The following BIVM variants were observed in gnomAD, a reference collection of about 807,000 sequenced individuals.
BIVM encodes the protein basic, immunoglobulin-like variable motif containing.
In BIVM, 31 loss-of-function variants were observed where a neutral mutation model predicts 61.4. That is an observed-to-expected ratio of 0.51 (90% confidence interval 0.38 to 0.68). BIVM has a LOEUF of 0.68. Ranked by LOEUF, BIVM falls within the 30% of genes least tolerant of loss-of-function variation. The pLI is 0.00. For synonymous variants in BIVM, 189 were observed against 210.7 expected (o/e 0.90, Z 0.89); for missense variants, 526 against 596.0 (o/e 0.88, Z 1.22).
Position 102,807,799 on chromosome 13 carries a change from A to C in BIVM, c.478+54A>C. On this transcript the variant is annotated intron_variant, in intron 3 of 10. Transcript: ENST00000257336. The surrounding 1 kb of genome is among the most constrained non-coding windows in gnomAD (Gnocchi z 4.0). ...TGAAAATAATGAGAAAACAAACACT[A>C]TGTCTTGTTTAATCTTGCCATTACA... The C allele has an allele frequency of 1.3e-6, 2 of 1,510,882 alleles. No homozygotes were observed. The highest frequency in any genetic ancestry group is 8.9e-7 in the Non-Finnish European group (1 of 1,122,360). 93.6% of individuals were successfully genotyped at this position (1,510,882 alleles called of 1,614,324 possible). A position where few individuals can be genotyped will look rare whatever the true frequency, so the allele number is the denominator to read the frequency against.
At chr13:102,832,028 A>G (rs1236468755) in intron 8 of BIVM, among the ~76,000 whole-genome samples, 1 of 152,098 alleles carries the variant, frequency 6.6e-6, no homozygotes, top group African/African-American at 2.4e-5. Context: ...AAAGTCTGTG[A>G]TATTGGGAGG....
Position 102,807,413 on chromosome 13 carries a change from G to C in BIVM, c.146G>C (p.Gly49Ala), listed in dbSNP as rs1374303460. ...TCAGGAGCACCCTTGGGTCCCAAAG[G>C]AGATGGTCATTATCCATGGAGTTGT... ...SASGAPLGPK[G>A]DGHYPWSCPV... Residue 49 changes from glycine to alanine, a missense_variant, in exon 3 of 11, where the codon GGA (glycine) becomes GCA (alanine). This residue lies in a region of BIVM where 312 missense variants were observed against 343.8 expected (regional missense o/e 0.91). Coordinates refer to ENST00000257336, the MANE Select transcript of BIVM (RefSeq NM_017693.4). This position sits in a 1 kb window ranked among gnomAD's most constrained non-coding sequence, Gnocchi z 4.0. 3 of 1,614,176 alleles carry C rather than the reference G, an allele frequency of 1.9e-6. No individual in the cohort carries two copies. The highest frequency in any genetic ancestry group is 3.3e-5 in the Admixed American group (2 of 60,018).
At chr13:102,825,341 T>A (rs1285711899) in intron 7 of BIVM, among the ~76,000 whole-genome samples, 1 of 151,800 alleles carries the variant, frequency 6.6e-6, no homozygotes, top group Non-Finnish European at 1.5e-5. Flanking sequence ...TAAGTGATCC[T>A]CCTACCTCGG....
At chr13:102,804,159 C>T (rs964888940) in intron 1 of BIVM, among the ~76,000 whole-genome samples, 3 of 152,092 alleles carry the variant, frequency 2.0e-5, no homozygotes, top group African/African-American at 4.8e-5. Context: ...TTTGTTTGTT[C>T]GTTTCGAGAC....
intron 1 of BIVM, among the ~76,000 whole-genome samples, chr13:102,799,806 A>T (rs1247009549): frequency 6.6e-6 from 1 of 152,230 alleles, no homozygotes; most frequent in Non-Finnish European, 1.5e-5. Flanking sequence ...GAGAAGCGCC[A>T]GGGAAAGAAG....
chr13:102,836,914 T>G (rs1319656325), intron 9 of BIVM, among the ~76,000 whole-genome samples: 1 of 152,236 alleles, frequency 6.6e-6, no homozygotes, highest in Non-Finnish European at 1.5e-5. Flanking sequence ...TTCTAGGACC[T>G]TGGCTTTTCC....
chr13:102,838,749 A>C lies in BIVM; in HGVS notation c.1218+10A>C. 2.5e-6 allele frequency: 4 copies of C among 1,608,496 alleles called. No homozygotes were observed. The highest frequency in any genetic ancestry group is 1.7e-4 in the Middle Eastern group (1 of 6,014). Reference sequence around the variant, plus strand: ...TAGAAAAACAAAGAAGGTAAGAAGAACACCATTGTGTTTGAAGGCATTTCC... The same window carrying C: ...TAGAAAAACAAAGAAGGTAAGAAGACCACCATTGTGTTTGAAGGCATTTCC... On this transcript the variant is annotated intron_variant, in intron 10 of 10. Transcript: ENST00000257336.
chr13:102,821,661 C>A, intron 5 of BIVM, 82 bp from the exon 6 acceptor site: 1 of 1,166,720 alleles, frequency 8.6e-7, no homozygotes, highest in Non-Finnish European at 1.2e-6. Flanking sequence ...GCAAATCAGA[C>A]AAGCATATTA....
At position 102,839,932 on chromosome 13, in the gene BIVM, G is replaced by A. The variant is rs1881722808; in HGVS notation, c.*67G>A. On this transcript the variant is annotated 3_prime_UTR_variant, in exon 11 of 11. Coordinates refer to ENST00000257336, the MANE Select transcript of BIVM (RefSeq NM_017693.4). ...CTATATACAGGACTGTATAAAGACAGTAGAAGATTTTAGTAAGCCTACATT... is the reference window on the plus strand; with the variant it reads ...CTATATACAGGACTGTATAAAGACAATAGAAGATTTTAGTAAGCCTACATT... The A allele has an allele frequency of 1.2e-5, 18 of 1,469,268 alleles. No homozygotes were observed. In the East Asian group the frequency reaches 4.1e-4, roughly 34 times the overall value. 91.0% of individuals were successfully genotyped at this position (1,469,268 alleles called of 1,614,324 possible).
chr13:102,809,827 C>T (rs1272747465), intron 3 of BIVM, among the ~76,000 whole-genome samples: 1 of 150,732 alleles, frequency 6.6e-6, no homozygotes, highest in Non-Finnish European at 1.5e-5. Flanking sequence ...GCTCTGTCGC[C>T]CAGGCTGGAG....
chr13:102,817,749 C>A (rs1223911791), intron 4 of BIVM, among the ~76,000 whole-genome samples: 2 of 151,426 alleles, frequency 1.3e-5, no homozygotes, highest in Non-Finnish European at 1.5e-5. Context: ...TCAACTGGGG[C>A]TATTTGGTTA....
At chr13:102,819,722 A>T (rs1570544) in intron 4 of BIVM, among the ~76,000 whole-genome samples, 40,115 of 152,028 alleles carry the variant, frequency 0.26, 5,689 homozygotes, top group East Asian at 0.43. Context: ...TTATCTATGT[A>T]ATAAAGCTGC....
Position 102,807,776 on chromosome 13 carries a change from A to C in BIVM, c.478+31A>C, listed in dbSNP as rs565602572. ...GAGGGAGCCATGAAGTTCATATGTG[A>C]AAATAATGAGAAAACAAACACTATG... On this transcript the variant is annotated intron_variant, in intron 3 of 10. Coordinates refer to ENST00000257336, the MANE Select transcript of BIVM (RefSeq NM_017693.4). The surrounding 1 kb of genome is among the most constrained non-coding windows in gnomAD (Gnocchi z 4.0). The C allele has an allele frequency of 3.8e-6, 6 of 1,560,116 alleles. No homozygotes were observed. The South Asian group carries it at 6.0e-5, about 16-fold the overall frequency.
At chr13:102,802,435 G>A (rs954858624) in intron 1 of BIVM, among the ~76,000 whole-genome samples, 7 of 152,294 alleles carry the variant, frequency 4.6e-5, no homozygotes, top group East Asian at 1.9e-4. Flanking sequence ...TGTTTGGGTC[G>A]TGGGATTTGG....
At chr13:102,808,831 G>T (rs1879284681) in intron 3 of BIVM, among the ~76,000 whole-genome samples, 1 of 151,964 alleles carries the variant, frequency 6.6e-6, no homozygotes, top group African/African-American at 2.4e-5. Flanking sequence ...TCAAATTTGG[G>T]GGCTTAAAGT....
At chr13:102,806,713 C>T (rs1456944905) in intron 2 of BIVM, among the ~76,000 whole-genome samples, 1 of 151,892 alleles carries the variant, frequency 6.6e-6, no homozygotes, top group Non-Finnish European at 1.5e-5. Flanking sequence ...GATTTTGAGA[C>T]CAGCCTGACC....
chr13:102,821,740 T>C lies in BIVM; in HGVS notation c.702-3T>C, dbSNP rs1226643243. The C allele has an allele frequency of 6.2e-7, 1 of 1,611,230 alleles. No homozygotes were observed. Among genetic ancestry groups the C allele is most frequent in the Non-Finnish European group, 8.5e-7 (1 of 1,179,322 alleles). ...TGAAAGGCAATGAATGTTTCTTTTG[T>C]AGCCTTCCACCTATTACCCAAGAAG... is the stretch of plus-strand genomic sequence containing the variant. On this transcript the variant is annotated splice_region_variant and splice_polypyrimidine_tract_variant and intron_variant, in intron 5 of 10. Transcript: ENST00000257336.
Position 102,834,571 on chromosome 13 carries a change from A to G in BIVM, c.1121+19A>G. 6.4e-7 allele frequency: 1 copy of G among 1,560,190 alleles called. No homozygotes were observed. Among genetic ancestry groups the G allele is most frequent in the South Asian group, 1.2e-5 (1 of 81,750 alleles). On this transcript the variant is annotated intron_variant, in intron 9 of 10. Coordinates refer to ENST00000257336, the MANE Select transcript of BIVM (RefSeq NM_017693.4). The stretch of plus-strand genomic sequence containing the variant: ...GTAAAAAGTATGTTAACTTCCCTTT[A>G]TTTTCTTTAATTGAGGTAACATTTA...
At chr13:102,825,117 T>C (rs1004611904) in intron 7 of BIVM, among the ~76,000 whole-genome samples, 2 of 152,064 alleles carry the variant, frequency 1.3e-5, no homozygotes, top group Admixed American at 6.6e-5. Flanking sequence ...TAATTTTTTG[T>C]ATTTTTTTTA....
Sources: allele counts gnomAD v4.1 joint callset (sites outside exome capture counted in the v4.1 genomes callset), GRCh38; gene constraint gnomAD v4.1.1; regional missense constraint gnomAD v4.1.1; non-coding constraint Gnocchi (gnomAD v3.1); transcripts MANE v1.5; gene names NCBI Gene and HGNC (gene_info 2026-07-23, HGNC 2026-07-21).